ICE1: variants seen among roughly 807,000 people sequenced by gnomAD.
The protein encoded by ICE1 is interactor of little elongation complex ELL subunit 1.
Under a neutral mutation model 192.7 loss-of-function variants are expected in ICE1, and 64 were observed. The ratio of observed to expected loss-of-function variants is 0.33; its 90% CI spans 0.27 to 0.41. The LOEUF is 0.41. Ranked by LOEUF, ICE1 falls within the 10% of genes least tolerant of loss-of-function variation. ICE1 has a pLI of 1.00. For synonymous variants in ICE1, 1,010 were observed against 984.5 expected (o/e 1.03, Z -0.49); for missense variants, 2,708 against 2,696.0 (o/e 1.00, Z -0.10).
Position 5,465,135 on chromosome 5 carries a change from G to A in ICE1, c.5801G>A (p.Arg1934His), listed in dbSNP as rs754494152. Residue 1934 changes from arginine to histidine, a missense_variant, in exon 13 of 19, where the codon CGT (arginine) becomes CAT (histidine). Arg to His is a conservative substitution (Grantham distance 29). Around this residue, in one of 2 missense-constraint regions of ICE1, gnomAD observed 342 missense variants for 419.3 expected, o/e 0.82. Transcript: ENST00000296564. ...TCTTTTGATCTGTTACCTGTCATTC[G>A]TAGTCATGTGTATGTGGGAAATATC... ...EFSFDLLPVI[R>H]SHVYVGNISK... 1.6e-5 allele frequency: 26 copies of A among 1,610,556 alleles called. No individual in the cohort carries two copies. Among genetic ancestry groups the A allele is most frequent in the Non-Finnish European group, 2.1e-5 (25 of 1,178,298 alleles).
At chr5:5,487,384 G>A (rs1163793538) in intron 18 of ICE1, among the ~76,000 whole-genome samples, 6 of 152,138 alleles carry the variant, frequency 3.9e-5, no homozygotes, top group Non-Finnish European at 8.8e-5. Flanking sequence ...GATGAATCTA[G>A]TTTTTATTTT....
At position 5,465,008 on chromosome 5, in the gene ICE1, C is replaced by T. The variant is rs536669401; in HGVS notation, c.5674C>T (p.Pro1892Ser). 2.3e-5 allele frequency: 37 copies of T among 1,613,898 alleles called. No homozygotes were observed. Among genetic ancestry groups the T allele is most frequent in the South Asian group, 1.3e-4 (12 of 91,046 alleles). Residue 1892 changes from proline to serine, a missense_variant, in exon 13 of 19, where the codon CCA (proline) becomes TCA (serine). Pro to Ser is a moderately conservative substitution (Grantham distance 74). Coordinates refer to ENST00000296564, the MANE Select transcript of ICE1 (RefSeq NM_015325.3). ...TTNEERSCSS[P>S]AVSAVSQLPL... is the part of the protein sequence containing the mutation. ...AAATGAGGAAAGAAGTTGTTCTAGT[C>T]CAGCCGTCAGTGCAGTTTCACAGTT...
intron 1 of ICE1, among the ~76,000 whole-genome samples, chr5:5,432,799 A>G (rs923219126): frequency 3.3e-5 from 5 of 152,154 alleles, no homozygotes; most frequent in African/African-American, 1.2e-4. Context: ...CAAATATAAT[A>G]TTATTTATCT....
At chr5:5,442,027 A>G (rs934550801) in intron 5 of ICE1, among the ~76,000 whole-genome samples, 6 of 152,218 alleles carry the variant, frequency 3.9e-5, no homozygotes, top group Admixed American at 2.6e-4. Flanking sequence ...CCCACTTCAG[A>G]TATGAAAATA....
At position 5,469,820 on chromosome 5, in the gene ICE1, A is replaced by G. The variant is rs190795823; in HGVS notation, c.6222+832A>G. ...CAAGTTTGTAATGATCTCTTCATCA[A>G]TCTATCTAGACACAACAGAGTAGAT... On this transcript the variant is annotated intron_variant, in intron 15 of 18. Transcript: ENST00000296564. Among the ~76,000 whole-genome samples, 110 of 152,280 alleles carry G rather than the reference A, an allele frequency of 7.2e-4. No homozygotes were observed. The East Asian group carries it at 7.5e-3, about 10-fold the overall frequency.
At chr5:5,466,529 A>G in intron 14 of ICE1, 27 bp downstream of exon 14, 2 of 1,575,818 alleles carry the variant, frequency 1.3e-6, no homozygotes. Context: ...ACAATTTTGT[A>G]TTGAAAATAT....
chr5:5,477,888 A>AT (rs1238008910), intron 17 of ICE1, among the ~76,000 whole-genome samples: 1 of 152,228 alleles, frequency 6.6e-6, no homozygotes, highest in Non-Finnish European at 1.5e-5. Context: ...AAACCACATG[A>AT]TTATCTCAAT....
At position 5,462,792 on chromosome 5, in the gene ICE1, C is replaced by T. The variant is rs142087337; in HGVS notation, c.3458C>T (p.Thr1153Met). The T allele has an allele frequency of 3.8e-5, 61 of 1,613,318 alleles. No homozygotes were observed. The Admixed American group carries it at 5.8e-4, about 15-fold the overall frequency. ...CCTTCCTTAGAGGTAGGTTATTTGA[C>T]GTCAGCTCTGCAAGATTTTAACATA... ...VRPSLEVGYL[T>M]SALQDFNIST... Residue 1153 changes from threonine (T) to methionine (M), a missense_variant, in exon 13 of 19, where the codon ACG becomes ATG. Thr to Met is a moderately conservative substitution (Grantham distance 81). Transcript: ENST00000296564.
chr5:5,482,810 A>G (rs997348617), intron 17 of ICE1, among the ~76,000 whole-genome samples: 25 of 145,624 alleles, frequency 1.7e-4, no homozygotes, highest in Admixed American at 6.9e-5. Flanking sequence ...ACACACACAC[A>G]CTCATCTGGA....
chr5:5,443,221 A>G lies in ICE1; in HGVS notation c.363A>G (p.Glu121=), dbSNP rs183730703. 8.6e-6 allele frequency: 13 copies of G among 1,511,412 alleles called. No homozygotes were observed. In the East Asian group the frequency reaches 3.3e-4, roughly 38 times the overall value. 93.6% of individuals were successfully genotyped at this position (1,511,412 alleles called of 1,614,324 possible). A position where few individuals can be genotyped will look rare whatever the true frequency, so the allele number is the denominator to read the frequency against. ...DTHQEYARVK[E]ECLKSDAQKK... ...ATCAGGAATATGCTCGTGTAAAGGA[A>G]GAATGCTTGAAGAGTGATGCTCAGT... Residue 121 remains glutamate (E), a synonymous_variant, in exon 6 of 19, where the codon GAA becomes GAG. Transcript: ENST00000296564.
chr5:5,441,267 A>G (rs1462504972), intron 5 of ICE1, 44 bp downstream of exon 5: 2 of 1,237,980 alleles, frequency 1.6e-6, no homozygotes, highest in African/African-American at 3.0e-5. Context: ...TCAATAAATT[A>G]GGATGAGCTT....
At chr5:5,428,058 G>A (rs1275789946) in intron 1 of ICE1, among the ~76,000 whole-genome samples, 3 of 152,194 alleles carry the variant, frequency 2.0e-5, no homozygotes, top group Non-Finnish European at 4.4e-5. Context: ...GACAGAACAA[G>A]TTGTGCCAAG....
rs760545591 is a variant in ICE1, at chr5:5,457,726, G to A, written c.1086G>A (p.Pro362=). 17 of 1,610,796 alleles carry A rather than the reference G, an allele frequency of 1.1e-5. No individual in the cohort carries two copies. Among genetic ancestry groups the A allele is most frequent in the East Asian group, 2.2e-5 (1 of 44,838 alleles). The stretch of plus-strand genomic sequence containing the variant: ...CATCACCTCACCCGGGTTCCTTACC[G>A]TCTTCATTTGCACCTGTGAGTTTTG... ...PMSSPHPGSL[P]SSFAPETYFG... The change falls in exon 12 of 19, where the codon CCG becomes CCA. Residue 362 remains proline, a synonymous_variant. Transcript: ENST00000296564.
At chr5:5,436,139 A>C (rs1402984219) in intron 1 of ICE1, among the ~76,000 whole-genome samples, 1 of 152,184 alleles carries the variant, frequency 6.6e-6, no homozygotes, top group Non-Finnish European at 1.5e-5. Context: ...GCAAACTAAA[A>C]ATAGTTAATA....
intron 16 of ICE1, among the ~76,000 whole-genome samples, chr5:5,474,378 G>A (rs75296145): frequency 0.02 from 3,053 of 152,226 alleles, 38 homozygotes; most frequent in Non-Finnish European, 0.029. Flanking sequence ...GGCTTGTGGC[G>A]TATCCCTAGC....
intron 1 of ICE1, among the ~76,000 whole-genome samples, chr5:5,424,403 A>G (rs1384833090): frequency 2.0e-5 from 3 of 149,504 alleles, no homozygotes; most frequent in African/African-American, 7.5e-5. Context: ...CCACCCCAGG[A>G]ACGTGATTGG....
chr5:5,443,484 A>G (rs1019987344), intron 6 of ICE1, among the ~76,000 whole-genome samples: 3 of 152,194 alleles, frequency 2.0e-5, no homozygotes, highest in South Asian at 4.1e-4. Context: ...GGGCTGCACA[A>G]AGAACTCCAT....
intron 1 of ICE1, among the ~76,000 whole-genome samples, chr5:5,427,936 A>G (rs375764442): frequency 6.6e-6 from 1 of 152,156 alleles, no homozygotes; most frequent in South Asian, 2.1e-4. Context: ...AGGGACAGTT[A>G]TATAGGAATT....
At chr5:5,436,631 G>A (rs1236218416) in intron 2 of ICE1, among the ~76,000 whole-genome samples, 155 bp downstream of exon 2, 1 of 152,104 alleles carries the variant, frequency 6.6e-6, no homozygotes, top group Admixed American at 6.5e-5. Context: ...GTGAGCTTTG[G>A]GACTTGAACC....
Sources: gnomAD v4.1 joint callset for allele counts (sites outside exome capture counted in the v4.1 genomes callset) on GRCh38, gnomAD v4.1.1 for gene constraint, gnomAD v4.1.1 regional missense constraint, MANE v1.5 for transcripts, NCBI Gene and HGNC (gene_info 2026-07-23, HGNC 2026-07-21) for gene names.